CSGALNACT1: variants seen among roughly 807,000 people sequenced by gnomAD.
CSGALNACT1 encodes the protein chondroitin sulfate N-acetylgalactosaminyltransferase 1.
A neutral mutation model predicts 51.0 loss-of-function variants in CSGALNACT1; 52 were observed. The observed-to-expected ratio is 1.02, with a 90% CI of 0.82 to 1.29. The LOEUF is 1.29. Among genes scored for constraint, CSGALNACT1 ranks in the 50% most tolerant of loss-of-function variants. The pLI is 0.00. For synonymous variants in CSGALNACT1, 341 were observed against 254.4 expected (o/e 1.34, Z -3.24); for missense variants, 935 against 679.2 (o/e 1.38, Z -4.19).
In CSGALNACT1 at chr8:19,420,557, C is replaced by T. The variant is rs150427337; in HGVS notation, c.954-39G>A. On this transcript the variant is annotated intron_variant, in intron 6 of 9. Transcript: ENST00000454498. ...CCAGGTACTGTCACTCACATTCCCACATGTTGGCAGCATCCCCTGAGAAAA... is the reference window on the plus strand; with the variant it reads ...CCAGGTACTGTCACTCACATTCCCATATGTTGGCAGCATCCCCTGAGAAAA... 605 of 1,600,650 alleles carry T rather than the reference C, an allele frequency of 3.8e-4. 2 individuals carry two copies. In the African/African-American group the frequency reaches 6.6e-3, roughly 18 times the overall value.
chr8:19,497,429 C>A (rs1002169638), intron 4 of CSGALNACT1, among the ~76,000 whole-genome samples: 2 of 152,022 alleles, frequency 1.3e-5, no homozygotes, highest in Non-Finnish European at 2.9e-5. Flanking sequence ...CAAACCCAGC[C>A]CCCTCCTGAC....
chr8:19,684,987 T>C (rs1429101596), upstream of CSGALNACT1, among the ~76,000 whole-genome samples: 2 of 152,236 alleles, frequency 1.3e-5, no homozygotes, highest in Non-Finnish European at 2.9e-5. Flanking sequence ...CACTCACAGA[T>C]TTTGCCCTCA....
chr8:19,660,909 G>GT (rs1554790421), intron 1 of CSGALNACT1, among the ~76,000 whole-genome samples: 2 of 151,964 alleles, frequency 1.3e-5, no homozygotes, highest in African/African-American at 4.8e-5. Context: ...AGGTTTGTTT[G>GT]TTTGTTTTGT....
chr8:19,439,899 T>C, exon 6 of CSGALNACT1: 2 of 1,614,212 alleles, frequency 1.2e-6, no homozygotes, highest in Non-Finnish European at 8.5e-7. Flanking sequence ...AACAGTGAGA[T>C]GGACTCTCCC....
intron 1 of CSGALNACT1, among the ~76,000 whole-genome samples, chr8:19,733,780 G>C (rs1348516937): frequency 6.6e-6 from 1 of 152,132 alleles, no homozygotes; most frequent in African/African-American, 2.4e-5. Flanking sequence ...CTGCTCATAT[G>C]AGTTTTATTT....
At chr8:19,508,854 G>T (rs770803223) in intron 3 of CSGALNACT1, among the ~76,000 whole-genome samples, 17 of 152,164 alleles carry the variant, frequency 1.1e-4, no homozygotes, top group East Asian at 5.8e-4. Context: ...AACTAAATCG[G>T]TGATTTGAAA....
At chr8:19,547,186 T>A (rs1301603656) in intron 3 of CSGALNACT1, among the ~76,000 whole-genome samples, 1 of 152,120 alleles carries the variant, frequency 6.6e-6, no homozygotes, top group Non-Finnish European at 1.5e-5. Context: ...CCAGCAGTGT[T>A]TTGTTAAAAG....
intron 1 of CSGALNACT1, among the ~76,000 whole-genome samples, chr8:19,653,564 G>A (rs966251731): frequency 1.3e-5 from 2 of 152,110 alleles, no homozygotes; most frequent in Non-Finnish European, 2.9e-5. Flanking sequence ...GAGGCCAAGA[G>A]GTATGGATCA....
chr8:19,708,330 G>A (rs895891258), intron 1 of CSGALNACT1, among the ~76,000 whole-genome samples: 6 of 152,162 alleles, frequency 3.9e-5, no homozygotes, highest in Non-Finnish European at 5.9e-5. Flanking sequence ...GCCCATCAGC[G>A]TGAGGTATTT....
At chr8:19,629,684 C>G (rs1369518635) in intron 1 of CSGALNACT1, among the ~76,000 whole-genome samples, 1 of 152,192 alleles carries the variant, frequency 6.6e-6, no homozygotes, top group African/African-American at 2.4e-5. Context: ...TGGTTGTTTT[C>G]CAGCTGTAAA....
intron 1 of CSGALNACT1, among the ~76,000 whole-genome samples, chr8:19,625,100 C>G (rs771747700): frequency 6.6e-6 from 1 of 152,166 alleles, no homozygotes; most frequent in Non-Finnish European, 1.5e-5. Context: ...CGAGTCAGTT[C>G]CATTCACATT....
intron 8 of CSGALNACT1, among the ~76,000 whole-genome samples, chr8:19,409,263 G>T (rs772167600): frequency 6.6e-6 from 1 of 152,160 alleles, no homozygotes; most frequent in African/African-American, 2.4e-5. Flanking sequence ...GTTAACTCTC[G>T]CTTGCTGAGG....
intron 5 of CSGALNACT1, among the ~76,000 whole-genome samples, chr8:19,444,640 G>A (rs1294099642): frequency 6.6e-6 from 1 of 152,158 alleles, no homozygotes; most frequent in African/African-American, 2.4e-5. Context: ...AAATGCAGAG[G>A]CCAGTTTGTT....
intron 3 of CSGALNACT1, among the ~76,000 whole-genome samples, chr8:19,516,532 C>T (rs868294163): frequency 4.6e-5 from 7 of 152,182 alleles, no homozygotes; most frequent in Middle Eastern, 3.2e-3. Context: ...ATGTTTTGTA[C>T]CCCCATGTAG....
chr8:19,609,660 G>T (rs1344275950), intron 1 of CSGALNACT1, among the ~76,000 whole-genome samples: 2 of 151,824 alleles, frequency 1.3e-5, no homozygotes, highest in African/African-American at 4.8e-5. Context: ...GGGGGTTGGG[G>T]GGTGAGAGGG....
chr8:19,481,263 T>C (rs1417630462), intron 4 of CSGALNACT1, among the ~76,000 whole-genome samples: 27 of 152,184 alleles, frequency 1.8e-4, no homozygotes. Flanking sequence ...CCTGGGTGTC[T>C]GTCCTTATAG....
chr8:19,606,004 C>A (rs1375705773), upstream of CSGALNACT1, among the ~76,000 whole-genome samples: 1 of 152,160 alleles, frequency 6.6e-6, no homozygotes, highest in African/African-American at 2.4e-5. Context: ...GTGAAAATAT[C>A]CATCCAGCTG....
At chr8:19,579,887 G>C (rs552676273) in intron 3 of CSGALNACT1, among the ~76,000 whole-genome samples, 5 of 152,250 alleles carry the variant, frequency 3.3e-5, no homozygotes, top group Admixed American at 1.3e-4. Flanking sequence ...CTCCCGCTGA[G>C]AACAATTACA....
intron 1 of CSGALNACT1, among the ~76,000 whole-genome samples, chr8:19,629,180 G>T (rs1052195610): frequency 6.6e-6 from 1 of 152,156 alleles, no homozygotes; most frequent in African/African-American, 2.4e-5. Context: ...CAGGACAAAT[G>T]AAAGAGACTT....
Sources: gnomAD v4.1 joint callset for allele counts (sites outside exome capture counted in the v4.1 genomes callset) on GRCh38, gnomAD v4.1.1 for gene constraint, MANE v1.5 for transcripts, NCBI Gene and HGNC (gene_info 2026-07-23, HGNC 2026-07-21) for gene names.